Variants in XRCC4 observed in about 807,000 individuals in gnomAD.
The protein encoded by XRCC4 is DNA repair protein XRCC4.
Under a neutral mutation model 39.1 loss-of-function variants are expected in XRCC4, and 28 were observed. The ratio of observed to expected loss-of-function variants is 0.72; its 90% CI spans 0.53 to 0.98. The LOEUF is 0.98. XRCC4 is among the 50% of genes least tolerant of loss of function. The pLI, the probability that XRCC4 is intolerant of heterozygous loss-of-function variation, is 0.00. For missense variants in XRCC4, 350 were observed against 376.4 expected (o/e 0.93, Z 0.58); for synonymous variants, 123 against 126.4 (o/e 0.97, Z 0.18).
intron 7 of XRCC4, among the ~76,000 whole-genome samples, chr5:83,270,780 T>C (rs1466932245): frequency 3.9e-5 from 3 of 76,514 alleles, no homozygotes; most frequent in African/African-American, 6.3e-5. Flanking sequence ...TATATACATA[T>C]ATATATGTAT....
intron 3 of XRCC4, among the ~76,000 whole-genome samples, chr5:83,167,692 C>G (rs1749545331): frequency 6.6e-6 from 1 of 152,158 alleles, no homozygotes; most frequent in South Asian, 2.1e-4. Flanking sequence ...TTACACTGTC[C>G]TCATATCACA....
intron 4 of XRCC4, chr5:83,201,764 C>G (rs1751207985): frequency 6.5e-6 from 1 of 152,918 alleles, no homozygotes; most frequent in Non-Finnish European, 1.5e-5. Context: ...CCACGTCAGG[C>G]CAGGTGCGGT....
intron 1 of XRCC4, among the ~76,000 whole-genome samples, chr5:83,097,985 A>C (rs936047552): frequency 6.8e-6 from 1 of 146,620 alleles, no homozygotes; most frequent in Non-Finnish European, 1.5e-5. Flanking sequence ...TTGTTCATGC[A>C]TTAGGTCATT....
In XRCC4 at chr5:83,350,997, T is replaced by C. The variant is rs28746478; in HGVS notation, c.894-2134T>C. ...GATTGGTGTCCCCACCCAAATCTCA[T>C]GTCTAATTGTAATCCTCAATCTTGA... On this transcript the variant is annotated intron_variant, in intron 7 of 7. Transcript: ENST00000396027. 2.3e-3 allele frequency among the ~76,000 whole-genome samples: 357 copies of C among 152,328 alleles called. 2 individuals carry two copies. Among genetic ancestry groups the C allele is most frequent in the African/African-American group, 8.2e-3 (340 of 41,588 alleles).
chr5:83,140,930 C>T (rs1358040990), intron 3 of XRCC4, among the ~76,000 whole-genome samples: 1 of 152,210 alleles, frequency 6.6e-6, no homozygotes, highest in Non-Finnish European at 1.5e-5. Context: ...AGACATTTTA[C>T]ATTACATTTC....
chr5:83,226,542 T>C (rs888712907), intron 6 of XRCC4, among the ~76,000 whole-genome samples: 1 of 152,076 alleles, frequency 6.6e-6, no homozygotes, highest in Non-Finnish European at 1.5e-5. Context: ...CTCCCATAGT[T>C]GGTGAATTTA....
intron 7 of XRCC4, among the ~76,000 whole-genome samples, chr5:83,344,440 T>C (rs13357939): frequency 8.9e-6 from 1 of 112,424 alleles, no homozygotes; most frequent in Non-Finnish European, 2.0e-5. Flanking sequence ...TTTTTTTTTG[T>C]AGAGACAGAG....
At chr5:83,264,935 T>C (rs1753903782) in intron 7 of XRCC4, among the ~76,000 whole-genome samples, 2 of 152,156 alleles carry the variant, frequency 1.3e-5, no homozygotes, top group Non-Finnish European at 2.9e-5. Flanking sequence ...GCTATAACAA[T>C]TTGTACCCTC....
chr5:83,150,057 A>G (rs1341303800), intron 3 of XRCC4, among the ~76,000 whole-genome samples: 3 of 152,194 alleles, frequency 2.0e-5, no homozygotes, highest in African/African-American at 7.2e-5. Flanking sequence ...TTTGAAACAA[A>G]TTTTAAAACC....
chr5:83,371,192 T>A, the XRCC4 span, among the ~76,000 whole-genome samples: 4 of 152,208 alleles, frequency 2.6e-5, no homozygotes, highest in African/African-American at 9.6e-5. Flanking sequence ...AATTCCTATT[T>A]GTTTTACAAG....
intron 3 of XRCC4, among the ~76,000 whole-genome samples, chr5:83,177,080 T>C (rs1162072549): frequency 6.6e-6 from 1 of 152,232 alleles, no homozygotes; most frequent in Non-Finnish European, 1.5e-5. Flanking sequence ...TACCCCCTTA[T>C]CAATTTTCTA....
chr5:83,251,523 C>CAAAAAAAAAAAA (rs60359773), intron 6 of XRCC4, among the ~76,000 whole-genome samples: 1 of 69,874 alleles, frequency 1.4e-5, no homozygotes, highest in Admixed American at 1.7e-4. Flanking sequence ...GACTCCGTCT[C>CAAAAAAAAAAAA]AAAAAAAAAA....
intron 4 of XRCC4, among the ~76,000 whole-genome samples, chr5:83,202,498 A>G (rs974216907): frequency 6.6e-6 from 1 of 152,200 alleles, no homozygotes; most frequent in African/African-American, 2.4e-5. Flanking sequence ...TAGATTGTTG[A>G]AAGTTTAAGG....
intron 7 of XRCC4, among the ~76,000 whole-genome samples, chr5:83,342,316 T>C (rs1201188330): frequency 6.6e-6 from 1 of 152,184 alleles, no homozygotes; most frequent in African/African-American, 2.4e-5. Flanking sequence ...ACTTTAAAAT[T>C]TGAATTCTCC....
chr5:83,104,818 C>A (rs903176408), intron 1 of XRCC4, 92 bp from the exon 2 acceptor site: 15 of 1,162,720 alleles, frequency 1.3e-5, no homozygotes, highest in Non-Finnish European at 1.8e-5. Context: ...TTCTTATTTC[C>A]TTGGTGTTTG....
intron 3 of XRCC4, among the ~76,000 whole-genome samples, chr5:83,119,855 T>G (rs1746913950): frequency 6.6e-6 from 1 of 151,828 alleles, no homozygotes; most frequent in Non-Finnish European, 1.5e-5. Flanking sequence ...GACATGCCTG[T>G]AGTCCCAGCT....
chr5:83,254,441 C>G (rs988884462), intron 6 of XRCC4, among the ~76,000 whole-genome samples: 1 of 152,154 alleles, frequency 6.6e-6, no homozygotes, highest in African/African-American at 2.4e-5. Flanking sequence ...TATTCAAGTT[C>G]TCTCTCATAT....
At chr5:83,211,235 C>T (rs912291093) in intron 6 of XRCC4, among the ~76,000 whole-genome samples, 1 of 152,194 alleles carries the variant, frequency 6.6e-6, no homozygotes, top group African/African-American at 2.4e-5. Context: ...ACTGCCTGCC[C>T]ACATTCATGA....
chr5:83,248,463 T>C (rs567340749), intron 6 of XRCC4, among the ~76,000 whole-genome samples: 17 of 152,272 alleles, frequency 1.1e-4, no homozygotes, highest in Non-Finnish European at 2.1e-4. Context: ...AAGAACTGTT[T>C]ATGTGGTACT....
Sources: allele counts gnomAD v4.1 joint callset (sites outside exome capture counted in the v4.1 genomes callset), GRCh38; gene constraint gnomAD v4.1.1; transcripts MANE v1.5; gene names NCBI Gene and HGNC (gene_info 2026-07-23, HGNC 2026-07-21).